Variants in NOS2 observed in about 807,000 individuals in gnomAD.
The protein encoded by NOS2 is nitric oxide synthase, inducible.
A neutral mutation model predicts 136.0 loss-of-function variants in NOS2; 96 were observed. The observed-to-expected ratio is 0.71, with a 90% CI of 0.60 to 0.84. The LOEUF (loss-of-function observed/expected upper bound fraction) is 0.84. NOS2 is among the 40% of genes least tolerant of loss of function. NOS2 has a pLI of 0.00. For synonymous variants in NOS2, 539 were observed against 587.5 expected (o/e 0.92, Z 1.20); for missense variants, 1,237 against 1,496.9 (o/e 0.83, Z 2.87).
At chr17:27,770,841 TC>T (rs1567636169) in intron 15 of NOS2, 71 bp downstream of exon 15, 1 of 1,118,932 alleles carries the variant, frequency 8.9e-7, no homozygotes, top group Non-Finnish European at 1.3e-6. Context: ...ACCTGCCGCA[TC>T]CCCCAGACCC....
chr17:27,767,253 C>A (rs4796038), intron 18 of NOS2, among the ~76,000 whole-genome samples: 28,749 of 152,184 alleles, frequency 0.19, 2,778 homozygotes, highest in Middle Eastern at 0.24. Context: ...TTCACCACTA[C>A]AGCCTGGAAT....
At position 27,781,974 on chromosome 17, in the gene NOS2, C is replaced by T. The variant is rs748353936; in HGVS notation, c.722+41G>A. On this transcript the variant is annotated intron_variant, in intron 7 of 26. Transcript: ENST00000313735. ...GCATCTTTTGGCTAAGATTCTCAGG[C>T]AAGGCAAGCCCCTCTGCAGCCCTGG... 3.2e-6 allele frequency: 5 copies of T among 1,570,696 alleles called. No homozygotes were observed. The Admixed American group carries it at 6.7e-5, about 21-fold the overall frequency.
intron 18 of NOS2, 58 bp from the exon 19 acceptor site, chr17:27,766,646 A>C: frequency 7.3e-7 from 1 of 1,378,358 alleles, no homozygotes; most frequent in South Asian, 1.2e-5. Context: ...TAGGTAGGGG[A>C]AGCCCCCAGA....
At chr17:27,796,220 CAGG>C (rs1242216138) in intron 2 of NOS2, among the ~76,000 whole-genome samples, 1 of 152,126 alleles carries the variant, frequency 6.6e-6, no homozygotes, top group Non-Finnish European at 1.5e-5. Context: ...GAGGCCAAGG[CAGG>C]AGAATTGCTT....
chr17:27,772,304 G>A lies in NOS2; in HGVS notation c.1704+4C>T. 6.2e-7 allele frequency: 1 copy of A among 1,614,144 alleles called. No individual in the cohort carries two copies. Among genetic ancestry groups the A allele is most frequent in the East Asian group, 2.2e-5 (1 of 44,888 alleles). Reference sequence around the variant, plus strand: ...AAACAACAGCCATCCCACTGAGCCAGTACCTTGGGGTTGAAGGCACAGCTG... The same window carrying A: ...AAACAACAGCCATCCCACTGAGCCAATACCTTGGGGTTGAAGGCACAGCTG... On this transcript the variant is annotated splice_donor_region_variant and intron_variant, in intron 14 of 26. Transcript: ENST00000313735.
At chr17:27,765,414 C>G (rs1908264413) in intron 20 of NOS2, 121 bp downstream of exon 20, 3 of 897,078 alleles carry the variant, frequency 3.3e-6, no homozygotes, top group African/African-American at 3.4e-5. Flanking sequence ...GCTTTGGTGG[C>G]CCGCCCTCTC....
At chr17:27,786,385 C>T (rs534673814) in intron 5 of NOS2, among the ~76,000 whole-genome samples, 1 of 152,284 alleles carries the variant, frequency 6.6e-6, no homozygotes, top group Non-Finnish European at 1.5e-5. Flanking sequence ...AAGATCGTGC[C>T]ACTGCACTCC....
Position 27,758,922 on chromosome 17 carries a change from A to G in NOS2, c.3313T>C (p.Leu1105=), listed in dbSNP as rs938218310. The change falls in exon 26 of 27, where the codon TTG becomes CTG. Residue 1105 remains leucine (L), a synonymous_variant. Transcript: ENST00000313735. ...LKQLVAAKLK[L]NEEQVEDYFF... is the part of the protein sequence containing the mutation. ...TAGTCCTCGACCTGCTCCTCATTCA[A>G]TTTCAGCTTGGCAGCCACCAGCTGC... 6.2e-6 allele frequency: 10 copies of G among 1,610,714 alleles called. No homozygotes were observed. The highest frequency in any genetic ancestry group is 3.4e-5 in the Admixed American group (2 of 59,638).
Position 27,773,194 on chromosome 17 carries a change from T to C in NOS2, c.1526A>G (p.Lys509Arg), listed in dbSNP as rs1908552041. The change falls in exon 13 of 27, where the codon AAG becomes AGG. Residue 509 changes from lysine to arginine, a missense_variant. Lys to Arg is a conservative substitution (Grantham distance 26). Coordinates refer to ENST00000313735, the MANE Select transcript of NOS2 (RefSeq NM_000625.4). ...GACTTTCAATGGAATCTCTCTTCTC[T>C]TGGGTCTCCGCTTCTCGTCCTGCCA... is the stretch of plus-strand genomic sequence containing the variant. ...HVWQDEKRRP[K>R]RREIPLKVLV... 1.2e-6 allele frequency: 2 copies of C among 1,614,162 alleles called. No homozygotes were observed. Among genetic ancestry groups the C allele is most frequent in the Admixed American group, 3.3e-5 (2 of 60,020 alleles).
At chr17:27,771,219 C>T (rs544596486) in intron 14 of NOS2, among the ~76,000 whole-genome samples, 10 of 152,330 alleles carry the variant, frequency 6.6e-5, no homozygotes, top group East Asian at 5.8e-4. Flanking sequence ...TCTCCTTCCC[C>T]GCTTAAGCCC....
Position 27,774,311 on chromosome 17 carries a change from G to A in NOS2, c.1422C>T (p.Pro474=), listed in dbSNP as rs373171990. ...AGTTCAGCATCTCCTGGTGAAACAC[G>A]GGGGTGATGCTCCCAGACATGGGAG... ...LVPPMSGSIT[P]VFHQEMLNYV... The change falls in exon 12 of 27, where the codon CCC becomes CCT. Residue 474 remains proline, a synonymous_variant. Coordinates refer to ENST00000313735, the MANE Select transcript of NOS2 (RefSeq NM_000625.4). The A allele has an allele frequency of 1.7e-5, 27 of 1,571,260 alleles. No homozygotes were observed. The highest frequency in any genetic ancestry group is 1.2e-4 in the South Asian group (10 of 83,750).
chr17:27,798,642 C>T (rs1349289147), intron 2 of NOS2, 58 bp downstream of exon 2: 2 of 1,032,036 alleles, frequency 1.9e-6, no homozygotes, highest in African/African-American at 1.6e-5. Context: ...GTCATCGGTG[C>T]CGACAGGGCA....
intron 20 of NOS2, among the ~76,000 whole-genome samples, chr17:27,764,740 G>A (rs1908241002): frequency 6.6e-6 from 1 of 152,214 alleles, no homozygotes; most frequent in Admixed American, 6.5e-5. Context: ...TTGCTGGGTT[G>A]GCATGAGCAC....
intron 22 of NOS2, 113 bp from the exon 23 acceptor site, chr17:27,761,344 A>T (rs1307145306): frequency 6.8e-6 from 5 of 732,474 alleles, no homozygotes; most frequent in Non-Finnish European, 6.9e-6. Context: ...AGGCACTCTC[A>T]GGACTCAATG....
intron 1 of NOS2, among the ~76,000 whole-genome samples, chr17:27,799,829 A>G: frequency 6.6e-6 from 1 of 151,462 alleles, no homozygotes; most frequent in African/African-American, 2.4e-5. Context: ...AAGGGAGGGG[A>G]AGGGAGGAAA....
At position 27,765,611 on chromosome 17, in the gene NOS2, G is replaced by A. The variant is rs769134158; in HGVS notation, c.2352C>T (p.Val784=). 2 of 1,613,030 alleles carry A rather than the reference G, an allele frequency of 1.2e-6. No homozygotes were observed. The highest frequency in any genetic ancestry group is 2.2e-5 in the East Asian group (1 of 44,884). ...CCACCACTCGCTCCAGGATACCTTG[G>A]ACCAGGGCCGGCTGGTTGCCTGGGC... ...GVCPGNQPAL[V]QGILERVVDG... The change falls in exon 20 of 27, where the codon GTC becomes GTT. Residue 784 remains valine, a synonymous_variant. Coordinates refer to ENST00000313735, the MANE Select transcript of NOS2 (RefSeq NM_000625.4).
Position 27,788,950 on chromosome 17 carries a change from G to C in NOS2, c.196-19C>G. ...GAGACTTCTGCAAGGGGAAAAAACA[G>C]GGTTTTCTCTCAGGTCTCTCCTAGA... On this transcript the variant is annotated intron_variant, in intron 3 of 26. Transcript: ENST00000313735. The C allele has an allele frequency of 6.2e-7, 1 of 1,612,500 alleles. No homozygotes were observed. The highest frequency in any genetic ancestry group is 8.5e-7 in the Non-Finnish European group (1 of 1,178,854).
At chr17:27,769,446 C>T in intron 16 of NOS2, 89 bp downstream of exon 16, 1 of 1,114,220 alleles carries the variant, frequency 9.0e-7, no homozygotes, top group Non-Finnish European at 1.4e-6. Context: ...TCTGAGAAGA[C>T]CCCCTGTGCA....
At chr17:27,784,268 G>A (rs1670771442) in intron 5 of NOS2, among the ~76,000 whole-genome samples, 1 of 152,176 alleles carries the variant, frequency 6.6e-6, no homozygotes, top group South Asian at 2.1e-4. Flanking sequence ...TAAGGAGAGT[G>A]GGTAACTCTG....
Sources: gnomAD v4.1 joint callset for allele counts (sites outside exome capture counted in the v4.1 genomes callset) on GRCh38, gnomAD v4.1.1 for gene constraint, MANE v1.5 for transcripts, NCBI Gene and HGNC (gene_info 2026-07-23, HGNC 2026-07-21) for gene names.